C7: variants seen among roughly 807,000 people sequenced by gnomAD.
The protein encoded by C7 is complement C7, also known as complement component C7.
In C7, 83 loss-of-function variants were observed where a neutral mutation model predicts 104.8. The observed-to-expected ratio is 0.79, with a 90% CI of 0.66 to 0.95. C7 has a LOEUF of 0.95. C7 is among the 40% of genes least tolerant of loss of function. The probability of loss-of-function intolerance (pLI) is 0.00; values close to 1 mark genes in which losing one functional copy is unlikely to be tolerated. For synonymous variants in C7, 415 were observed against 360.6 expected (o/e 1.15, Z -1.71); for missense variants, 1,070 against 1,011.2 (o/e 1.06, Z -0.79).
rs1740371249 is a variant in C7 at position 40,959,267 on chromosome 5, T to G, written c.1490-182T>G. On this transcript the variant is annotated intron_variant, in intron 11 of 17. Transcript: ENST00000313164. Reference sequence around the variant, plus strand: ...GAGGTTCACTAATGCAACCTTAATATGGACATTCCTAGTCTGTATGTAGAG... The same window carrying G: ...GAGGTTCACTAATGCAACCTTAATAGGGACATTCCTAGTCTGTATGTAGAG... Among the ~76,000 whole-genome samples the G allele has an allele frequency of 3.3e-5, 5 of 152,234 alleles. No homozygotes were observed. The South Asian group carries it at 1.0e-3, about 32-fold the overall frequency.
At chr5:40,926,663 T>G (rs973091882) in intron 1 of C7, among the ~76,000 whole-genome samples, 1 of 152,166 alleles carries the variant, frequency 6.6e-6, no homozygotes, top group Non-Finnish European at 1.5e-5. Flanking sequence ...ACATTTTCAA[T>G]AACTACAAAA....
intron 2 of C7, among the ~76,000 whole-genome samples, 191 bp downstream of exon 2, chr5:40,928,826 G>A (rs1369545988): frequency 6.6e-6 from 1 of 151,992 alleles, no homozygotes; most frequent in African/African-American, 2.4e-5. Context: ...ACTTAAAGAA[G>A]AATAATTCTC....
rs1579854710 is a variant in C7, at chr5:40,945,296, C to T, written c.666C>T (p.Arg222=). 2 of 1,609,170 alleles carry T rather than the reference C, an allele frequency of 1.2e-6. No homozygotes were observed. Among genetic ancestry groups the T allele is most frequent in the Admixed American group, 1.7e-5 (1 of 59,296 alleles). Reference sequence around the variant, plus strand: ...AACACACATCATCTAGTCGGAAGCGCTCCTTTTTTAGATCTTCATCATCTT... The same window carrying T: ...AACACACATCATCTAGTCGGAAGCGTTCCTTTTTTAGATCTTCATCATCTT... ...STEHTSSSRK[R]SFFRSSSSSS... The change falls in exon 7 of 18, where the codon CGC becomes CGT. Residue 222 remains arginine (R), a synonymous_variant. Coordinates refer to ENST00000313164, the MANE Select transcript of C7 (RefSeq NM_000587.4).
At chr5:40,974,474 G>A (rs1426907399) in intron 15 of C7, among the ~76,000 whole-genome samples, 2 of 150,812 alleles carry the variant, frequency 1.3e-5, no homozygotes, top group East Asian at 2.0e-4. Context: ...GGAGTGCAGC[G>A]GCACAATCTC....
In C7 at chr5:40,972,450, C is replaced by A. The variant is rs1212210155; in HGVS notation, c.1930C>A (p.Pro644Thr). 6.2e-7 allele frequency: 1 copy of A among 1,613,774 alleles called. No individual in the cohort carries two copies. The highest frequency in any genetic ancestry group is 1.7e-5 in the Admixed American group (1 of 60,002). ...PVLMDGIQSH[P>T]QKPFYTVGEK... ...ACTGATGGATGGCATACAGAGTCAC[C>A]CCCAAAAACCTTTCTACACAGTTGG... is the stretch of plus-strand genomic sequence containing the variant. The change falls in exon 15 of 18, where the codon CCC becomes ACC. Residue 644 changes from proline to threonine, a missense_variant. Transcript: ENST00000313164.
At chr5:40,981,007 T>C (rs1740930033) in intron 17 of C7, among the ~76,000 whole-genome samples, 1 of 152,348 alleles carries the variant, frequency 6.6e-6, no homozygotes, top group South Asian at 2.1e-4. Context: ...CAAAGCAAGT[T>C]AAGTTCTCTT....
chr5:40,959,452 G>A lies in C7; in HGVS notation c.1493G>A (p.Gly498Glu), dbSNP rs747731914. ...CAACCTCTTTCTCATCTTGTAGGAGGGGTTGATGGAGGTTGGAGTTGCTGG... is the reference window on the plus strand; with the variant it reads ...CAACCTCTTTCTCATCTTGTAGGAGAGGTTGATGGAGGTTGGAGTTGCTGG... ...QGVLVGNQAGGVDGGWSCWSS... is the reference protein window; with the variant it reads ...QGVLVGNQAGEVDGGWSCWSS... Residue 498 changes from glycine (G) to glutamate (E), a missense_variant, in exon 12 of 18, where the codon GGG (glycine) becomes GAG (glutamate). Coordinates refer to ENST00000313164, the MANE Select transcript of C7 (RefSeq NM_000587.4). 2 of 1,609,764 alleles carry A rather than the reference G, an allele frequency of 1.2e-6. No individual in the cohort carries two copies. Among genetic ancestry groups the A allele is most frequent in the Admixed American group, 1.7e-5 (1 of 59,688 alleles).
At chr5:40,946,930 T>C (rs993160457) in intron 7 of C7, among the ~76,000 whole-genome samples, 21 of 151,614 alleles carry the variant, frequency 1.4e-4, no homozygotes, top group African/African-American at 5.1e-4. Context: ...TGGTGGTGCA[T>C]GCCTGTAATC....
intron 1 of C7, among the ~76,000 whole-genome samples, chr5:40,919,703 T>C (rs1248414797): frequency 6.6e-6 from 1 of 152,064 alleles, no homozygotes; most frequent in Admixed American, 6.5e-5. Context: ...GAAATTAGCA[T>C]GCTCCTCAAC....
At chr5:40,962,010 G>T (rs1217892535) in intron 12 of C7, 75 bp from the exon 13 acceptor site, 2 of 702,226 alleles carry the variant, frequency 2.8e-6, no homozygotes, top group African/African-American at 1.8e-5. Flanking sequence ...ATACAAAGGA[G>T]AAATCCAACG....
At chr5:40,949,058 G>A (rs1290221872) in intron 8 of C7, among the ~76,000 whole-genome samples, 1 of 151,944 alleles carries the variant, frequency 6.6e-6, no homozygotes, top group Non-Finnish European at 1.5e-5. Flanking sequence ...AATTAATCCA[G>A]CAAGTAGTTT....
At chr5:40,948,592 C>T (rs1472321388) in intron 8 of C7, among the ~76,000 whole-genome samples, 1 of 152,158 alleles carries the variant, frequency 6.6e-6, no homozygotes, top group Non-Finnish European at 1.5e-5. Flanking sequence ...TGAATTAATG[C>T]TTTGTTGATT....
chr5:40,978,993 C>A (rs552642549), intron 16 of C7, among the ~76,000 whole-genome samples: 2 of 147,268 alleles, frequency 1.4e-5, no homozygotes, highest in South Asian at 2.2e-4. Flanking sequence ...GATTCTCATG[C>A]TTCAGCCTCC....
intron 13 of C7, chr5:40,964,446 G>T (rs916105855): frequency 2.5e-5 from 5 of 200,318 alleles, no homozygotes; most frequent in Non-Finnish European, 3.0e-5. Context: ...TATTTGGACA[G>T]TGTCCAAATA....
intron 1 of C7, among the ~76,000 whole-genome samples, chr5:40,917,635 A>G (rs946623625): frequency 2.0e-5 from 3 of 152,194 alleles, no homozygotes; most frequent in South Asian, 2.1e-4. Flanking sequence ...TACTTTGGCT[A>G]TATACCCTGT....
Position 40,909,500 on chromosome 5 carries a change from G to A in C7, c.-111G>A. The A allele has an allele frequency of 1.5e-6, 1 of 679,868 alleles. No homozygotes were observed. The highest frequency in any genetic ancestry group is 2.6e-6 in the Non-Finnish European group (1 of 389,630). The allele number at this position is 679,868 out of a possible 1,614,324, so 42.1% of individuals were successfully genotyped here. On this transcript the variant is annotated 5_prime_UTR_variant, in exon 1 of 18. Transcript: ENST00000313164. ...GAGTGCCAAGATAATCTAGAGCAGG[G>A]AGAGGCAGAGAGGCAGGCAGCCTGC...
chr5:40,973,126 G>A (rs775948022), intron 15 of C7, among the ~76,000 whole-genome samples: 10 of 151,954 alleles, frequency 6.6e-5, no homozygotes, highest in Non-Finnish European at 1.0e-4. Context: ...TTCTTAATGT[G>A]GAAACCCAAA....
intron 1 of C7, among the ~76,000 whole-genome samples, chr5:40,923,443 G>A (rs1739483028): frequency 6.6e-6 from 1 of 152,118 alleles, no homozygotes. Context: ...TGGCAATAGT[G>A]AGAGCAAGAA....
Position 40,959,503 on chromosome 5 carries a change from G to C in C7, c.1544G>C (p.Gly515Ala). The C allele has an allele frequency of 6.2e-7, 1 of 1,611,510 alleles. No individual in the cohort carries two copies. Among genetic ancestry groups the C allele is most frequent in the Non-Finnish European group, 8.5e-7 (1 of 1,179,288 alleles). Residue 515 changes from glycine (G) to alanine (A), a missense_variant, in exon 12 of 18, where the codon GGG becomes GCG. By Grantham distance (60) the Gly-to-Ala change is moderately conservative. Transcript: ENST00000313164. Reference protein sequence around the residue: ...CWSSWSPCVQGKKTRSRECNN... With the variant: ...CWSSWSPCVQAKKTRSRECNN... ...TCCTCTTGGAGCCCCTGTGTCCAAG[G>C]GAAGAAAACAAGAAGCCGTGAATGC... is the stretch of plus-strand genomic sequence containing the variant.
Sources: gnomAD v4.1 joint callset for allele counts (sites outside exome capture counted in the v4.1 genomes callset) on GRCh38, gnomAD v4.1.1 for gene constraint, MANE v1.5 for transcripts, NCBI Gene and HGNC (gene_info 2026-07-23, HGNC 2026-07-21) for gene names.